SNRNP70: variants seen among roughly 807,000 people sequenced by gnomAD.
SNRNP70 encodes the protein U1 small nuclear ribonucleoprotein 70 kDa.
In SNRNP70, 8 loss-of-function variants were observed where a neutral mutation model predicts 50.5. The ratio of observed to expected loss-of-function variants is 0.16; its 90% CI spans 0.09 to 0.29. SNRNP70 has a LOEUF of 0.29. Ranked by LOEUF, SNRNP70 falls within the 10% of genes least tolerant of loss-of-function variation. The pLI, the probability that SNRNP70 is intolerant of heterozygous loss-of-function variation, is 1.00. For missense variants in SNRNP70, 529 were observed against 663.5 expected (o/e 0.80, Z 2.23); for synonymous variants, 320 against 252.9 (o/e 1.27, Z -2.52).
At chr19:49,105,126 C>T (rs932299232) in intron 8 of SNRNP70, among the ~76,000 whole-genome samples, 1 of 152,120 alleles carries the variant, frequency 6.6e-6, no homozygotes, top group Non-Finnish European at 1.5e-5. Context: ...TCATCTGCTT[C>T]TGCTGCTTGC....
rs1391722247 is a variant in SNRNP70 at position 49,107,781 on chromosome 19, C to T, written c.666-14C>T. The stretch of plus-strand genomic sequence containing the variant: ...GGGGGAGCCCAGCCACACAGGTCTG[C>T]CCACCTCATCCAGGCCCGGCCCCTC... On this transcript the variant is annotated splice_polypyrimidine_tract_variant and intron_variant, in intron 9 of 9. Coordinates refer to ENST00000598441, the MANE Select transcript of SNRNP70 (RefSeq NM_003089.6). This position sits in a 1 kb window ranked among gnomAD's most constrained non-coding sequence, Gnocchi z 6.0. The T allele has an allele frequency of 1.2e-6, 2 of 1,610,462 alleles. No individual in the cohort carries two copies. Among genetic ancestry groups the T allele is most frequent in the South Asian group, 1.1e-5 (1 of 90,662 alleles).
intron 4 of SNRNP70, among the ~76,000 whole-genome samples, chr19:49,097,521 A>G (rs1457619273): frequency 2.2e-4 from 34 of 152,066 alleles, no homozygotes; most frequent in East Asian, 1.9e-4. Context: ...AAAAATTGCA[A>G]CCTCTGGCAT....
intron 6 of SNRNP70, 43 bp from the exon 7 acceptor site, chr19:49,101,347 C>T (rs547669093): frequency 3.0e-4 from 459 of 1,514,342 alleles, no homozygotes; most frequent in Admixed American, 4.7e-4. Flanking sequence ...GGGGCGGAGC[C>T]GCCCTGTGGC....
At chr19:49,099,916 CTGTGTGTG>C (rs564880870) in intron 6 of SNRNP70, among the ~76,000 whole-genome samples, 1 of 150,554 alleles carries the variant, frequency 6.6e-6, no homozygotes, top group Non-Finnish European at 1.5e-5. Context: ...TGTCTCGTGC[CTGTGTGTG>C]TGTGTGTATG....
Position 49,107,477 on chromosome 19 carries a change from C to T in SNRNP70, c.578-148C>T, listed in dbSNP as rs988308903. Reference sequence around the variant, plus strand: ...GTGGCTGTCTTGTGATGGGAGTGCGCGGGATGAACTGCACGGGGGGACCCG... The same window carrying T: ...GTGGCTGTCTTGTGATGGGAGTGCGTGGGATGAACTGCACGGGGGGACCCG... On this transcript the variant is annotated intron_variant, in intron 8 of 9. Transcript: ENST00000598441. This position sits in a 1 kb window ranked among gnomAD's most constrained non-coding sequence, Gnocchi z 6.0. 1.6e-5 allele frequency: 11 copies of T among 678,702 alleles called. No homozygotes were observed. Among genetic ancestry groups the T allele is most frequent in the African/African-American group, 7.2e-5 (4 of 55,586 alleles). The allele number at this position is 678,702 out of a possible 1,614,324, so 42.0% of individuals were successfully genotyped here. A position where few individuals can be genotyped will look rare whatever the true frequency, so the allele number is the denominator to read the frequency against.
rs2040437630 is a variant in SNRNP70 at position 49,090,749 on chromosome 19, G to C, written c.265+229G>C. On this transcript the variant is annotated intron_variant, in intron 4 of 9. Transcript: ENST00000598441. ...AGGAAGGGAGACCCCTGGTACCTTG[G>C]GCTCCTCCTGCATGGGAGGACAGTT... The C allele has an allele frequency of 5.3e-6, 3 of 570,968 alleles. No individual in the cohort carries two copies. In the East Asian group the frequency reaches 8.7e-5, roughly 17 times the overall value. The allele number at this position is 570,968 out of a possible 1,614,324, so 35.4% of individuals were successfully genotyped here. A position where few individuals can be genotyped will look rare whatever the true frequency, so the allele number is the denominator to read the frequency against.
At chr19:49,086,254 C>T (rs2040377737) in intron 1 of SNRNP70, 151 bp from the exon 2 acceptor site, 2 of 808,212 alleles carry the variant, frequency 2.5e-6, no homozygotes, top group East Asian at 2.9e-5. Context: ...ACCCTTTTCT[C>T]CGCAACACAG....
At chr19:49,099,717 C>A (rs1200931313) in intron 6 of SNRNP70, among the ~76,000 whole-genome samples, 13 of 145,926 alleles carry the variant, frequency 8.9e-5, no homozygotes, top group Non-Finnish European at 1.8e-4. Flanking sequence ...CCAGCCTGGG[C>A]AACAGAGTGG....
chr19:49,089,369 G>C (rs567735147), intron 2 of SNRNP70, among the ~76,000 whole-genome samples: 294 of 152,092 alleles, frequency 1.9e-3, no homozygotes, highest in Admixed American at 3.1e-3. Context: ...ACGGGCACAG[G>C]GGGGAAAGCA....
intron 7 of SNRNP70, chr19:49,103,125 C>T (rs1428286845): frequency 6.6e-6 from 1 of 152,644 alleles, no homozygotes; most frequent in East Asian, 1.9e-4. Context: ...CACTCCTGGT[C>T]CTCGGAGGGG....
chr19:49,102,000 C>T (rs2040594762), intron 7 of SNRNP70: 1 of 466,158 alleles, frequency 2.1e-6, no homozygotes, highest in African/African-American at 2.0e-5. Context: ...TCCAAAGCCC[C>T]CTTTGAGGCT....
chr19:49,100,379 C>T (rs1350371585), intron 6 of SNRNP70, among the ~76,000 whole-genome samples: 1 of 152,160 alleles, frequency 6.6e-6, no homozygotes, highest in East Asian at 1.9e-4. Context: ...GCTGTGTGGC[C>T]TCATGGACCT....
In SNRNP70 at chr19:49,090,528, T is replaced by G; in HGVS notation, c.265+8T>G. The G allele has an allele frequency of 6.2e-7, 1 of 1,613,754 alleles. No individual in the cohort carries two copies. The highest frequency in any genetic ancestry group is 8.5e-7 in the Non-Finnish European group (1 of 1,179,696). On this transcript the variant is annotated splice_region_variant and intron_variant, in intron 4 of 9. Transcript: ENST00000598441. ...AGACAGAGCTTAAAATGTGTAAGTC[T>G]CTCATCCACCATTTGGCTCTCTCCT...
intron 4 of SNRNP70, among the ~76,000 whole-genome samples, chr19:49,095,641 G>C (rs781209143): frequency 6.6e-6 from 1 of 151,056 alleles, no homozygotes; most frequent in Non-Finnish European, 1.5e-5. Context: ...TGGTTCAAGC[G>C]ATTCTCTTGT....
chr19:49,090,252 C>G (rs185047226), intron 2 of SNRNP70, 39 bp from the exon 3 acceptor site: 2 of 1,582,544 alleles, frequency 1.3e-6, no homozygotes, highest in Non-Finnish European at 1.7e-6. Flanking sequence ...CCATTTCCCC[C>G]AGTCCTTCCC....
At chr19:49,098,127 T>C (rs968433617) in intron 4 of SNRNP70, among the ~76,000 whole-genome samples, 5 of 152,184 alleles carry the variant, frequency 3.3e-5, no homozygotes, top group African/African-American at 1.2e-4. Flanking sequence ...CCTTAGGGTT[T>C]ATGTAGGTCT....
intron 4 of SNRNP70, among the ~76,000 whole-genome samples, chr19:49,091,463 A>C (rs932199808): frequency 1.4e-4 from 21 of 151,914 alleles, no homozygotes; most frequent in African/African-American, 5.1e-4. Context: ...TTGTGTTAGG[A>C]TTGCTGTAGT....
chr19:49,093,727 G>A (rs963366313), intron 4 of SNRNP70, among the ~76,000 whole-genome samples: 2 of 149,502 alleles, frequency 1.3e-5, no homozygotes, highest in African/African-American at 4.9e-5. Flanking sequence ...AGGCACGGAG[G>A]CTCATGCCTG....
chr19:49,107,939 C>G lies in SNRNP70; in HGVS notation c.810C>G (p.Asp270Glu), dbSNP rs745853672. 1.3e-6 allele frequency: 2 copies of G among 1,547,534 alleles called. No individual in the cohort carries two copies. The highest frequency in any genetic ancestry group is 1.4e-5 in the African/African-American group (1 of 72,996). The part of the protein sequence containing the change: ...RDRRRRSRSR[D>E]KEERRRSRER... ...GGCGGAGGCGCTCACGGAGTCGCGA[C>G]AAGGAGGAGCGGAGGCGCTCCAGGG... The change falls in exon 10 of 10, where the codon GAC (aspartate) becomes GAG (glutamate). Residue 270 changes from aspartate to glutamate, a missense_variant. Coordinates refer to ENST00000598441, the MANE Select transcript of SNRNP70 (RefSeq NM_003089.6). This position sits in a 1 kb window ranked among gnomAD's most constrained non-coding sequence, Gnocchi z 6.0.
Sources: gnomAD v4.1 joint callset for allele counts (sites outside exome capture counted in the v4.1 genomes callset) on GRCh38, gnomAD v4.1.1 for gene constraint, Gnocchi (gnomAD v3.1) non-coding constraint, MANE v1.5 for transcripts, NCBI Gene and HGNC (gene_info 2026-07-23, HGNC 2026-07-21) for gene names.